The following PSD3 variants were observed in gnomAD, a reference collection of about 807,000 sequenced individuals.
PSD3 encodes pleckstrin and Sec7 domain containing 3.
Under a neutral mutation model 105.5 loss-of-function variants are expected in PSD3, and 49 were observed. That is an observed-to-expected ratio of 0.46 (90% CI 0.37 to 0.59). The LOEUF (loss-of-function observed/expected upper bound fraction) is 0.59, where lower values mean the gene tolerates loss of function less well. Ranked by LOEUF, PSD3 falls within the 20% of genes least tolerant of loss-of-function variation. The pLI, the probability that PSD3 is intolerant of heterozygous loss-of-function variation, is 0.00. For missense variants in PSD3, 1,561 were observed against 1,263.8 expected (o/e 1.24, Z -3.57); for synonymous variants, 557 against 457.8 (o/e 1.22, Z -2.77).
At chr8:19,046,140 C>G (rs118159240) in intron 1 of PSD3, among the ~76,000 whole-genome samples, 14,836 of 152,196 alleles carry the variant, frequency 0.097, 911 homozygotes, top group Non-Finnish European at 0.15. Flanking sequence ...GAGATGGAGT[C>G]TCACTCTGTT....
intron 10 of PSD3, among the ~76,000 whole-genome samples, chr8:18,649,829 G>A (rs952980633): frequency 6.6e-6 from 1 of 152,184 alleles, no homozygotes; most frequent in Non-Finnish European, 1.5e-5. Context: ...GTTTAAAAGT[G>A]TGGCACTTCC....
chr8:18,632,953 T>A, intron 10 of PSD3, 147 bp from the exon 11 acceptor site: 1 of 645,986 alleles, frequency 1.5e-6, no homozygotes, highest in South Asian at 2.2e-5. Flanking sequence ...CACCATTTGT[T>A]AAATGTATTC....
At chr8:18,718,355 A>C (rs543589210) in intron 9 of PSD3, among the ~76,000 whole-genome samples, 11 of 152,228 alleles carry the variant, frequency 7.2e-5, no homozygotes, top group Non-Finnish European at 1.3e-4. Flanking sequence ...GGAATTATAA[A>C]AGAAGATTTG....
chr8:18,701,124 C>A (rs1287701920), intron 9 of PSD3, among the ~76,000 whole-genome samples: 1 of 128,316 alleles, frequency 7.8e-6, no homozygotes, highest in Non-Finnish European at 1.7e-5. Context: ...TGCCAAGAAG[C>A]CTGGCTGATT....
At chr8:18,662,815 C>T (rs1809456632) in intron 9 of PSD3, among the ~76,000 whole-genome samples, 1 of 152,182 alleles carries the variant, frequency 6.6e-6, no homozygotes, top group Admixed American at 6.5e-5. Flanking sequence ...TGATCAATAG[C>T]ATGACTACCT....
chr8:18,664,827 A>G (rs528354155), intron 9 of PSD3, among the ~76,000 whole-genome samples: 10 of 152,346 alleles, frequency 6.6e-5, no homozygotes, highest in African/African-American at 2.4e-4. Flanking sequence ...ATGCTCAAGT[A>G]TCATTCTGAA....
chr8:19,082,253 C>A (rs1829667826), intron 1 of PSD3, among the ~76,000 whole-genome samples: 1 of 152,188 alleles, frequency 6.6e-6, no homozygotes, highest in African/African-American at 2.4e-5. Context: ...CCCAACTCCT[C>A]TCTCCCCATG....
chr8:18,629,013 T>C lies in PSD3; in HGVS notation c.2410+3600A>G, dbSNP rs185479995. Among the ~76,000 whole-genome samples the C allele has an allele frequency of 7.2e-3, 1,096 of 151,874 alleles. 23 individuals carry two copies. Among genetic ancestry groups the C allele is most frequent in the African/African-American group, 0.025 (1,041 of 41,500 alleles). ...AAAAGACAGATACTGTGATTTACAA[T>C]AAAAAGCGAGACCCACCAATATTCC... On this transcript the variant is annotated intron_variant, in intron 11 of 15. Transcript: ENST00000327040.
At chr8:19,006,435 G>A (rs57388168) in intron 1 of PSD3, among the ~76,000 whole-genome samples, 3,398 of 151,704 alleles carry the variant, frequency 0.022, 142 homozygotes, top group African/African-American at 0.078. Context: ...CTATCCCCAC[G>A]CTTTTGTATT....
intron 9 of PSD3, among the ~76,000 whole-genome samples, chr8:18,708,148 T>G (rs1470029588): frequency 1.3e-5 from 2 of 152,184 alleles, no homozygotes; most frequent in Admixed American, 1.3e-4. Context: ...TAATTTACAG[T>G]TTTAATGGGG....
chr8:19,083,698 C>T (rs1829715315), intron 1 of PSD3, among the ~76,000 whole-genome samples: 1 of 152,220 alleles, frequency 6.6e-6, no homozygotes, highest in South Asian at 2.1e-4. Context: ...GTTCCCAATG[C>T]CCATTCTGGA....
chr8:18,974,395 A>C (rs1009917722), intron 1 of PSD3, among the ~76,000 whole-genome samples: 14 of 18,746 alleles, frequency 7.5e-4, no homozygotes, highest in African/African-American at 2.9e-3. Context: ...TAGACTTCAA[A>C]ATCCTCTGAA....
At chr8:18,907,098 A>G (rs1007198730) in intron 2 of PSD3, among the ~76,000 whole-genome samples, 1 of 152,248 alleles carries the variant, frequency 6.6e-6, no homozygotes, top group Non-Finnish European at 1.5e-5. Flanking sequence ...AAAAGTTAAA[A>G]GTTTACAAAG....
intron 9 of PSD3, among the ~76,000 whole-genome samples, chr8:18,715,670 T>C (rs943986228): frequency 3.3e-5 from 5 of 152,248 alleles, no homozygotes; most frequent in African/African-American, 1.2e-4. Context: ...TCAGTTGTTA[T>C]AATCTATGGC....
At chr8:18,707,198 T>A (rs971893396) in intron 9 of PSD3, among the ~76,000 whole-genome samples, 6 of 152,092 alleles carry the variant, frequency 3.9e-5, no homozygotes, top group African/African-American at 1.4e-4. Context: ...CAAAAACGCC[T>A]CAAAGCTCAC....
At chr8:18,639,358 A>G (rs1807483387) in intron 10 of PSD3, among the ~76,000 whole-genome samples, 1 of 151,964 alleles carries the variant, frequency 6.6e-6, no homozygotes, top group African/African-American at 2.4e-5. Flanking sequence ...TGCTTATGGA[A>G]TGTTTCCCTA....
At chr8:19,055,965 G>T (rs948102450) in intron 1 of PSD3, among the ~76,000 whole-genome samples, 2 of 152,214 alleles carry the variant, frequency 1.3e-5, no homozygotes. Flanking sequence ...TAAAAATGCT[G>T]CTACACACCT....
intron 4 of PSD3, among the ~76,000 whole-genome samples, chr8:18,850,649 C>A (rs1377815716): frequency 2.6e-5 from 4 of 152,124 alleles, no homozygotes; most frequent in Non-Finnish European, 5.9e-5. Context: ...GTGAATACAG[C>A]AAGGTAAAGG....
intron 11 of PSD3, among the ~76,000 whole-genome samples, chr8:18,603,977 A>C (rs983818149): frequency 2.0e-5 from 3 of 152,324 alleles, no homozygotes; most frequent in African/African-American, 7.2e-5. Flanking sequence ...ACCCAGTCTC[A>C]GGTTTTCTTT....
Sources: gnomAD v4.1 joint callset for allele counts (sites outside exome capture counted in the v4.1 genomes callset) on GRCh38, gnomAD v4.1.1 for gene constraint, MANE v1.5 for transcripts, NCBI Gene and HGNC (gene_info 2026-07-23, HGNC 2026-07-21) for gene names.